Variants in SH3RF2 observed in about 807,000 individuals in gnomAD.
SH3RF2 encodes the protein SH3 domain containing ring finger 2, also known as E3 ubiquitin-protein ligase SH3RF2.
In SH3RF2, 43 loss-of-function variants were observed where a neutral mutation model predicts 59.0. That is an observed-to-expected ratio of 0.73 (90% CI 0.57 to 0.94). The LOEUF is 0.94. Ranked by LOEUF, SH3RF2 falls within the 40% of genes least tolerant of loss-of-function variation. The pLI is 0.00. For missense variants in SH3RF2, 930 were observed against 940.1 expected (o/e 0.99, Z 0.14); for synonymous variants, 391 against 391.5 (o/e 1.00, Z 0.01).
downstream of SH3RF2, among the ~76,000 whole-genome samples, chr5:146,066,404 T>C (rs2150026684): frequency 6.6e-6 from 1 of 152,294 alleles, no homozygotes; most frequent in South Asian, 2.1e-4. Context: ...CCAACCTCAA[T>C]GGGCTATTAT....
intron 2 of SH3RF2, among the ~76,000 whole-genome samples, chr5:145,960,553 CA>C (rs1758593266): frequency 6.6e-6 from 1 of 152,148 alleles, no homozygotes; most frequent in South Asian, 2.1e-4. Context: ...CTAATACTGA[CA>C]AAACTAAGAT....
chr5:146,036,790 G>A (rs941335161), intron 5 of SH3RF2, among the ~76,000 whole-genome samples: 3 of 152,222 alleles, frequency 2.0e-5, no homozygotes, highest in African/African-American at 7.2e-5. Context: ...TTGAAGTGTG[G>A]GTTGCATTTT....
At chr5:146,025,799 A>G (rs1761510028) in intron 5 of SH3RF2, among the ~76,000 whole-genome samples, 1 of 152,230 alleles carries the variant, frequency 6.6e-6, no homozygotes, top group Non-Finnish European at 1.5e-5. Flanking sequence ...TGAGTCAGGC[A>G]AAGCTTCTTG....
intron 2 of SH3RF2, among the ~76,000 whole-genome samples, chr5:145,967,298 G>A (rs1351220149): frequency 6.6e-6 from 1 of 152,076 alleles, no homozygotes; most frequent in Non-Finnish European, 1.5e-5. Flanking sequence ...GCCCATTTAT[G>A]AATCCTGCCC....
chr5:145,971,677 A>G (rs1292259930), intron 2 of SH3RF2, among the ~76,000 whole-genome samples: 3 of 152,226 alleles, frequency 2.0e-5, no homozygotes, highest in African/African-American at 4.8e-5. Context: ...TCAGTCCACA[A>G]GGATTGACCA....
intron 4 of SH3RF2, among the ~76,000 whole-genome samples, chr5:146,007,306 C>CA (rs149040083): frequency 6.6e-6 from 1 of 152,316 alleles, no homozygotes; most frequent in East Asian, 1.9e-4. Flanking sequence ...CCCATAGGTT[C>CA]ATGGACCTTT....
chr5:146,058,393 C>T (rs886940840), intron 8 of SH3RF2, among the ~76,000 whole-genome samples: 3 of 152,068 alleles, frequency 2.0e-5, no homozygotes, highest in African/African-American at 7.2e-5. Flanking sequence ...ACTGCGTGAA[C>T]CCCACAGGGC....
At chr5:145,960,436 A>G (rs1389551403) in intron 2 of SH3RF2, among the ~76,000 whole-genome samples, 4 of 152,246 alleles carry the variant, frequency 2.6e-5, no homozygotes, top group Non-Finnish European at 4.4e-5. Context: ...GTTTCTTTCA[A>G]TATCATGTAG....
chr5:146,005,055 AGAT>A (rs1287620011), intron 4 of SH3RF2, among the ~76,000 whole-genome samples: 1 of 152,206 alleles, frequency 6.6e-6, no homozygotes, highest in Non-Finnish European at 1.5e-5. Flanking sequence ...TGTGATAACT[AGAT>A]GATGAGATTC....
At chr5:146,080,070 T>C (rs776898768) in exon 10 of SH3RF2, 2 of 152,206 alleles carry the variant, frequency 1.3e-5, no homozygotes, top group African/African-American at 2.4e-5. Context: ...ACCAGATATT[T>C]TTTTAAAACA....
At position 146,006,963 on chromosome 5, in the gene SH3RF2, A is replaced by G. The variant is rs980866669; in HGVS notation, c.744+2810A>G. On this transcript the variant is annotated intron_variant, in intron 4 of 9. Coordinates refer to ENST00000359120, the MANE Select transcript of SH3RF2 (RefSeq NM_152550.4). Reference sequence around the variant, plus strand: ...AAAAGAGTGAGTTGTATCACCAACTAAATGCCTCGTTTCAGAAGTGACACT... The same window carrying G: ...AAAAGAGTGAGTTGTATCACCAACTGAATGCCTCGTTTCAGAAGTGACACT... 3.9e-5 allele frequency among the ~76,000 whole-genome samples: 6 copies of G among 152,232 alleles called. No individual in the cohort carries two copies. In the South Asian group the frequency reaches 1.2e-3, roughly 32 times the overall value.
intron 9 of SH3RF2, among the ~76,000 whole-genome samples, chr5:146,068,796 G>T (rs905114654): frequency 6.6e-6 from 1 of 152,100 alleles, no homozygotes; most frequent in Non-Finnish European, 1.5e-5. Flanking sequence ...TGGATTTGGG[G>T]CCTCCTTTCT....
Position 146,004,064 on chromosome 5 carries a change from A to G in SH3RF2, c.655A>G (p.Ile219Val), listed in dbSNP as rs181855153. ...QDCLTFLKDD[I>V]ITVISRVDEN... ...ATGAGACTTTCTCTTTCAGGACGAT[A>G]TCATCACTGTGATCAGCCGAGTGGA... Residue 219 changes from isoleucine to valine, a missense_variant, in exon 4 of 10, where the codon ATC becomes GTC. Transcript: ENST00000359120. 1.2e-4 allele frequency: 192 copies of G among 1,612,378 alleles called. 3 individuals carry two copies. The East Asian group carries it at 3.5e-3, about 30-fold the overall frequency.
At chr5:145,961,576 A>T (rs959196609) in intron 2 of SH3RF2, among the ~76,000 whole-genome samples, 1 of 152,190 alleles carries the variant, frequency 6.6e-6, no homozygotes, top group Non-Finnish European at 1.5e-5. Context: ...GATCTGAAAA[A>T]CAGTAGTCTG....
intron 5 of SH3RF2, among the ~76,000 whole-genome samples, chr5:146,029,154 T>G (rs1761651989): frequency 6.6e-6 from 1 of 152,220 alleles, no homozygotes; most frequent in Non-Finnish European, 1.5e-5. Context: ...TTACATCCTC[T>G]GTGAGTATTG....
chr5:146,045,964 T>C (rs1227626484), intron 5 of SH3RF2, among the ~76,000 whole-genome samples: 1 of 152,234 alleles, frequency 6.6e-6, no homozygotes, highest in Non-Finnish European at 1.5e-5. Context: ...AGGGTTTCCA[T>C]TTTTATACCT....
chr5:145,942,410 A>G (rs1757849973), intron 2 of SH3RF2, among the ~76,000 whole-genome samples: 1 of 152,152 alleles, frequency 6.6e-6, no homozygotes. Flanking sequence ...CCTCCAGCAC[A>G]CAGACCAGGT....
intron 6 of SH3RF2, 94 bp from the exon 7 acceptor site, chr5:146,048,981 C>A: frequency 6.9e-7 from 1 of 1,448,862 alleles, no homozygotes; most frequent in East Asian, 2.3e-5. Flanking sequence ...TTATTGCTAA[C>A]CACTGGGCAG....
chr5:146,005,428 CCA>C (rs1455923758), intron 4 of SH3RF2, among the ~76,000 whole-genome samples: 1 of 152,106 alleles, frequency 6.6e-6, no homozygotes, highest in Non-Finnish European at 1.5e-5. Context: ...ACAGAACAGA[CCA>C]CAGTTGAGGA....
Sources: gnomAD v4.1 joint callset for allele counts (sites outside exome capture counted in the v4.1 genomes callset) on GRCh38, gnomAD v4.1.1 for gene constraint, MANE v1.5 for transcripts, NCBI Gene and HGNC (gene_info 2026-07-23, HGNC 2026-07-21) for gene names.